Variants in CARMIL1 observed in about 807,000 individuals in gnomAD.
CARMIL1 encodes the protein capping protein regulator and myosin 1 linker 1, also known as F-actin-uncapping protein LRRC16A.
Under a neutral mutation model 177.1 loss-of-function variants are expected in CARMIL1, and 90 were observed. The observed-to-expected ratio is 0.51, with a 90% CI of 0.43 to 0.61. CARMIL1 has a LOEUF of 0.61. Among genes scored for constraint, CARMIL1 ranks in the 20% least tolerant of loss-of-function variants. The probability of loss-of-function intolerance (pLI) is 0.00; values close to 1 mark genes in which losing one functional copy is unlikely to be tolerated. For missense variants in CARMIL1, 1,380 were observed against 1,667.0 expected (o/e 0.83, Z 3.00); for synonymous variants, 577 against 606.2 (o/e 0.95, Z 0.71).
intron 12 of CARMIL1, among the ~76,000 whole-genome samples, chr6:25,487,725 C>G (rs983320602): frequency 6.6e-6 from 1 of 152,136 alleles, no homozygotes. Context: ...AAATGGCCCC[C>G]TAGACAACCA....
intron 2 of CARMIL1, among the ~76,000 whole-genome samples, chr6:25,341,006 A>G (rs976920479): frequency 1.3e-5 from 2 of 152,126 alleles, no homozygotes; most frequent in Non-Finnish European, 2.9e-5. Flanking sequence ...CACACAAGAT[A>G]GAAGGCTCAC....
chr6:25,344,455 C>T (rs1242148607), intron 2 of CARMIL1, among the ~76,000 whole-genome samples: 1 of 152,178 alleles, frequency 6.6e-6, no homozygotes, highest in Non-Finnish European at 1.5e-5. Flanking sequence ...ATCCTTCCCT[C>T]TCTTCACCTG....
rs555047869 is a variant in CARMIL1 at position 25,493,897 on chromosome 6, GT to G, written c.1221-1211del. The stretch of plus-strand genomic sequence containing the variant: ...TGTTCCACTATATGGAAACAGAGTT[GT>G]TTGAGATTTCTTATATCACATAGTC... On this transcript the variant is annotated intron_variant, in intron 15 of 36. Transcript: ENST00000329474. Among the ~76,000 whole-genome samples the G allele has an allele frequency of 3.9e-4, 59 of 152,172 alleles. 1 individual carries two copies. The South Asian group carries it at 5.4e-3, about 14-fold the overall frequency.
At chr6:25,323,872 A>T (rs1248857100) in intron 2 of CARMIL1, among the ~76,000 whole-genome samples, 1 of 152,228 alleles carries the variant, frequency 6.6e-6, no homozygotes, top group Non-Finnish European at 1.5e-5. Context: ...GTAAACCATC[A>T]AATTATAAGA....
intron 2 of CARMIL1, among the ~76,000 whole-genome samples, chr6:25,360,461 G>C (rs180802511): frequency 6.0e-4 from 91 of 152,314 alleles, no homozygotes; most frequent in Non-Finnish European, 1.3e-3. Flanking sequence ...TGTTTAGTCT[G>C]TGGGGACTTT....
chr6:25,313,591 A>G (rs1784015818), intron 2 of CARMIL1, among the ~76,000 whole-genome samples: 1 of 151,712 alleles, frequency 6.6e-6, no homozygotes, highest in Non-Finnish European at 1.5e-5. Flanking sequence ...GGCCACCGCT[A>G]ACTAGTTAGC....
intron 2 of CARMIL1, among the ~76,000 whole-genome samples, chr6:25,390,816 C>T (rs556492489): frequency 6.6e-6 from 1 of 152,264 alleles, no homozygotes; most frequent in South Asian, 2.1e-4. Flanking sequence ...TCAGCCTTCC[C>T]AGTAGCTGGG....
intron 2 of CARMIL1, among the ~76,000 whole-genome samples, chr6:25,408,763 G>C (rs184994816): frequency 5.5e-4 from 83 of 151,382 alleles, no homozygotes; most frequent in Non-Finnish European, 9.1e-4. Context: ...AGGATCATTT[G>C]ATCCCAGGAG....
chr6:25,403,312 C>T (rs182866865), intron 2 of CARMIL1, among the ~76,000 whole-genome samples: 3 of 152,282 alleles, frequency 2.0e-5, no homozygotes, highest in African/African-American at 7.2e-5. Flanking sequence ...CACCTCTCAG[C>T]ACTCCTGCTA....
At position 25,505,169 on chromosome 6, in the gene CARMIL1, T is replaced by C. The variant is rs4711084; in HGVS notation, c.1396-4487T>C. ...AAGAAGGATTACTCTCATCAGTTTA[T>C]GGTGAGACAAATTCTTCTTGAAACC... is the stretch of plus-strand genomic sequence containing the variant. On this transcript the variant is annotated intron_variant, in intron 17 of 36. Transcript: ENST00000329474. Among the ~76,000 whole-genome samples, 746 of 152,352 alleles carry C rather than the reference T, an allele frequency of 4.9e-3. 24 individuals are homozygous for C. In the East Asian group the frequency reaches 0.083, roughly 17 times the overall value.
chr6:25,472,373 G>A (rs1031136282), intron 10 of CARMIL1, 54 bp from the exon 11 acceptor site: 70 of 1,217,528 alleles, frequency 5.7e-5, no homozygotes, highest in African/African-American at 1.2e-4. Context: ...TAAATGTTCC[G>A]TTCGAATGGT....
chr6:25,295,397 T>C (rs907489284), intron 2 of CARMIL1, among the ~76,000 whole-genome samples: 5 of 152,246 alleles, frequency 3.3e-5, no homozygotes, highest in Non-Finnish European at 7.3e-5. Flanking sequence ...TAATTTAGGT[T>C]ATTTCCAATA....
Position 25,577,002 on chromosome 6 carries a change from T to G in CARMIL1, c.2743-3922T>G, listed in dbSNP as rs541985890. The G allele has an allele frequency of 3.6e-5, 35 of 985,432 alleles. 1 individual carries two copies. The South Asian group carries it at 1.4e-3, about 38-fold the overall frequency. The allele number at this position is 985,432 out of a possible 1,614,324, so 61.0% of individuals were successfully genotyped here. A position where few individuals can be genotyped will look rare whatever the true frequency, so the allele number is the denominator to read the frequency against. On this transcript the variant is annotated intron_variant, in intron 29 of 36. Transcript: ENST00000329474. The surrounding 1 kb of genome is among the most constrained non-coding windows in gnomAD (Gnocchi z 4.5). ...CTCTCTGCTGTACAAGTGTAAGTAT[T>G]TTTTGGTGGCTCTGCGGTTTCTGGC...
chr6:25,409,280 A>C (rs1175119329), intron 2 of CARMIL1, among the ~76,000 whole-genome samples: 1 of 152,138 alleles, frequency 6.6e-6, no homozygotes, highest in Non-Finnish European at 1.5e-5. Flanking sequence ...AAGTTTGCAC[A>C]CTGTCTCTGT....
At chr6:25,532,956 A>T (rs1807917725) in intron 24 of CARMIL1, among the ~76,000 whole-genome samples, 1 of 152,200 alleles carries the variant, frequency 6.6e-6, no homozygotes, top group African/African-American at 2.4e-5. Flanking sequence ...TGTAGTTATA[A>T]AAACAGGCCC....
At chr6:25,298,915 C>A (rs1782640196) in intron 2 of CARMIL1, among the ~76,000 whole-genome samples, 1 of 151,938 alleles carries the variant, frequency 6.6e-6, no homozygotes, top group South Asian at 2.1e-4. Context: ...CCACCATGCC[C>A]AGCTTATTTT....
At chr6:25,295,131 C>T (rs1290552565) in intron 2 of CARMIL1, among the ~76,000 whole-genome samples, 9 of 151,884 alleles carry the variant, frequency 5.9e-5, no homozygotes, top group African/African-American at 9.7e-5. Flanking sequence ...AAAGAAAAAG[C>T]GAACATCACC....
At chr6:25,358,272 G>A (rs1280487530) in intron 2 of CARMIL1, among the ~76,000 whole-genome samples, 1 of 152,146 alleles carries the variant, frequency 6.6e-6, no homozygotes, top group Non-Finnish European at 1.5e-5. Context: ...TCTGGGTGAA[G>A]CATTGTAATT....
intron 32 of CARMIL1, among the ~76,000 whole-genome samples, chr6:25,598,449 G>A (rs2151301691): frequency 6.6e-6 from 1 of 152,126 alleles, no homozygotes; most frequent in Admixed American, 6.5e-5. Context: ...ATGCTGACCA[G>A]GCTGGTCTCG....
Sources: allele counts gnomAD v4.1 joint callset (sites outside exome capture counted in the v4.1 genomes callset), GRCh38; gene constraint gnomAD v4.1.1; non-coding constraint Gnocchi (gnomAD v3.1); transcripts MANE v1.5; gene names NCBI Gene and HGNC (gene_info 2026-07-23, HGNC 2026-07-21).